The following PERM1 variants were observed in gnomAD, a reference collection of about 807,000 sequenced individuals.
The protein encoded by PERM1 is PGC-1 and ERR-induced regulator in muscle protein 1.
Under a neutral mutation model 44.1 loss-of-function variants are expected in PERM1, and 45 were observed. That is an observed-to-expected ratio of 1.02 (90% confidence interval 0.80 to 1.31). PERM1 has a LOEUF of 1.31. Ranked by LOEUF, PERM1 falls within the 50% of genes most tolerant of loss-of-function variation. PERM1 has a pLI of 0.00. For synonymous variants in PERM1, 565 were observed against 477.1 expected (o/e 1.18, Z -2.40); for missense variants, 1,189 against 1,106.9 (o/e 1.07, Z -1.05).
chr1:979,871 A>T lies in PERM1; in HGVS notation c.1159T>A (p.Ser387Thr), dbSNP rs556569834. 67 of 1,549,204 alleles carry T rather than the reference A, an allele frequency of 4.3e-5. 1 individual carries two copies. The African/African-American group carries it at 4.9e-4, about 11-fold the overall frequency. Reference sequence around the variant, plus strand: ...AATTGTGGCTTGGAGATGGGTGTAGACAGAGCCACACTGGACTGAGGCTCA... The same window carrying T: ...AATTGTGGCTTGGAGATGGGTGTAGTCAGAGCCACACTGGACTGAGGCTCA... Residue 387 changes from serine (S) to threonine (T), a missense_variant, in exon 1 of 3, where the codon TCT (serine) becomes ACT (threonine). This residue lies in a region of PERM1 where 900 missense variants were observed against 760.4 expected (regional missense o/e 1.18). Transcript: ENST00000433179.
chr1:981,974 G>T (rs896598604), upstream of PERM1: 2 of 1,115,932 alleles, frequency 1.8e-6, no homozygotes, highest in African/African-American at 1.6e-5. Context: ...ACTGACCTTC[G>T]CCCTCCTCTC....
chr1:976,183 G>A (rs1643595148), exon 3 of PERM1: 2 of 1,546,042 alleles, frequency 1.3e-6, no homozygotes, highest in Admixed American at 2.0e-5. Flanking sequence ...TAGGAGCTGG[G>A]GCTGGGGCTG....
At chr1:979,117 G>A (rs763189910) in exon 1 of PERM1, 130 of 1,549,946 alleles carry the variant, frequency 8.4e-5, no homozygotes, top group Non-Finnish European at 9.9e-5. Context: ...ATCAGCTCTC[G>A]GGAGCGGCTC....
chr1:976,503 T>C (rs1181943256), exon 2 of PERM1: 2 of 1,549,476 alleles, frequency 1.3e-6, no homozygotes, highest in Non-Finnish European at 1.7e-6. Flanking sequence ...CCAAACCTGT[T>C]TTCCAGGCGT....
Position 980,234 on chromosome 1 carries a change from T to A in PERM1, c.796A>T (p.Thr266Ser), listed in dbSNP as rs186435690. ...CGGCGCGGGGTTCTGATTTGGTCTGTGCCTTGCTCTGTCACAGGGACAGGT... is the reference window on the plus strand; with the variant it reads ...CGGCGCGGGGTTCTGATTTGGTCTGAGCCTTGCTCTGTCACAGGGACAGGT... Residue 266 changes from threonine to serine, a missense_variant, in exon 1 of 3, where the codon ACA (threonine) becomes TCA (serine). Thr to Ser is a moderately conservative substitution (Grantham distance 58). Around this residue, in one of 3 missense-constraint regions of PERM1, gnomAD observed 900 missense variants for 760.4 expected, o/e 1.18. Transcript: ENST00000433179. The A allele has an allele frequency of 1.9e-3, 2,897 of 1,550,422 alleles. 6 individuals carry two copies. Among genetic ancestry groups the A allele is most frequent in the Middle Eastern group, 3.2e-3 (19 of 5,992 alleles).
rs558884095 is a variant in PERM1 at position 979,338 on chromosome 1, G to C, written c.1692C>G (p.Pro564=). 4.7e-4 allele frequency: 719 copies of C among 1,523,314 alleles called. 2 individuals carry two copies. In the African/African-American group the frequency reaches 8.8e-3, roughly 19 times the overall value. The allele number at this position is 1,523,314 out of a possible 1,614,324, so 94.4% of individuals were successfully genotyped here. ...CGGGCCCGACCCTCGTCACGGCAGA[G>C]GGAGGGGGGCGAGGCAGGTGCTTGA... Residue 564 remains proline (P), a synonymous_variant, in exon 1 of 3, where the codon CCC becomes CCG. Coordinates refer to ENST00000433179, the Ensembl canonical transcript of PERM1.
chr1:980,325 A>G, exon 1 of PERM1: 2 of 1,550,192 alleles, frequency 1.3e-6, no homozygotes, highest in Non-Finnish European at 1.7e-6. Context: ...CAGGCTCAGG[A>G]GCTCCTGCAG....
At position 979,104 on chromosome 1, in the gene PERM1, A is replaced by G. The variant is rs1406534249; in HGVS notation, c.1926T>C (p.Pro642=). The change falls in exon 1 of 3, where the codon CCT becomes CCC. Residue 642 remains proline (P), a synonymous_variant. Coordinates refer to ENST00000433179, the Ensembl canonical transcript of PERM1. ...GGTCTCCAGGTATGGGGGCCGGCAC[A>G]GGATCAGCTCTCGGGAGCGGCTCCG... The G allele has an allele frequency of 1.9e-6, 3 of 1,549,668 alleles. No homozygotes were observed. In the Admixed American group the frequency reaches 5.9e-5, roughly 30 times the overall value.
chr1:980,391 A>T, exon 1 of PERM1: 2 of 1,549,990 alleles, frequency 1.3e-6, no homozygotes, highest in Non-Finnish European at 8.7e-7. Flanking sequence ...CCGTCTCAGG[A>T]CTGGCCGCAG....
In PERM1 at chr1:979,973, GCGGC is replaced by G; in HGVS notation, c.1053_1056del (p.Glu351AspfsTer72). The G allele has an allele frequency of 6.5e-7, 1 of 1,549,040 alleles. No homozygotes were observed. Among genetic ancestry groups the G allele is most frequent in the East Asian group, 2.5e-5 (1 of 40,528 alleles). ...GACACAGCCATGTCCCTGTCAGGTTGCGGCTCAGAGGCAGGTGTAGACACAGCCA... is the reference window on the plus strand; with the variant it reads ...GACACAGCCATGTCCCTGTCAGGTTGTCAGAGGCAGGTGTAGACACAGCCA... On this transcript the variant is annotated frameshift_variant, in exon 1 of 3. Transcript: ENST00000433179. LOFTEE classifies it high-confidence loss of function.
At chr1:976,519 G>C (rs1407857013) in exon 2 of PERM1, 5 of 1,549,564 alleles carry the variant, frequency 3.2e-6, no homozygotes, top group Non-Finnish European at 8.7e-7. Flanking sequence ...GGCGTCTGGG[G>C]TATGCGGATC....
rs778755431 is a variant in PERM1 at position 979,351 on chromosome 1, G to A, written c.1679C>T (p.Pro560Leu). The A allele has an allele frequency of 8.8e-5, 134 of 1,515,824 alleles. No individual in the cohort carries two copies. The African/African-American group carries it at 1.7e-3, about 19-fold the overall frequency. 93.9% of individuals were successfully genotyped at this position (1,515,824 alleles called of 1,614,324 possible). ...CGTCACGGCAGAGGGAGGGGGGCGAGGCAGGTGCTTGAGGATCCGAGGCTG... is the reference window on the plus strand; with the variant it reads ...CGTCACGGCAGAGGGAGGGGGGCGAAGCAGGTGCTTGAGGATCCGAGGCTG... The change falls in exon 1 of 3, where the codon CCT becomes CTT. Residue 560 changes from proline (P) to leucine (L), a missense_variant. Transcript: ENST00000433179.
Position 980,190 on chromosome 1 carries a change from C to T in PERM1, c.840G>A (p.Val280=), listed in dbSNP as rs781747747. The T allele has an allele frequency of 8.4e-6, 13 of 1,550,318 alleles. No individual in the cohort carries two copies. In the South Asian group the frequency reaches 1.1e-4, roughly 13 times the overall value. The stretch of plus-strand genomic sequence containing the variant: ...GGAGGGCTTCCCAGACAGTCGTGGA[C>T]ACTGTGTGCAGCTTGGCTCGGCGCG... The change falls in exon 1 of 3, where the codon GTG becomes GTA. Residue 280 remains valine, a synonymous_variant. Coordinates refer to ENST00000433179, the Ensembl canonical transcript of PERM1.
rs1482252129 is a variant in PERM1 at position 979,990 on chromosome 1, G to A, written c.1040C>T (p.Thr347Ile). The A allele has an allele frequency of 3.2e-6, 5 of 1,548,964 alleles. No individual in the cohort carries two copies. The South Asian group carries it at 6.0e-5, about 18-fold the overall frequency. Reference sequence around the variant, plus strand: ...GTCAGGTTGCGGCTCAGAGGCAGGTGTAGACACAGCCATGTCCGTGTCAGG... The same window carrying A: ...GTCAGGTTGCGGCTCAGAGGCAGGTATAGACACAGCCATGTCCGTGTCAGG... The change falls in exon 1 of 3, where the codon ACA becomes ATA. Residue 347 changes from threonine to isoleucine, a missense_variant. By Grantham distance (89) the Thr-to-Ile change is moderately conservative. Coordinates refer to ENST00000433179, the Ensembl canonical transcript of PERM1.
chr1:981,592 C>T (rs1199969838), upstream of PERM1, among the ~76,000 whole-genome samples: 2 of 152,254 alleles, frequency 1.3e-5, no homozygotes, highest in Admixed American at 6.5e-5. Flanking sequence ...GCCCAGCCCT[C>T]GGCGATGACC....
chr1:980,938 C>T, exon 1 of PERM1: 1 of 1,432,284 alleles, frequency 7.0e-7, no homozygotes. Context: ...AGAGGCCAGG[C>T]CGGCCTGCAG....
At chr1:982,076 C>T (rs370496376), upstream of PERM1, 8 of 1,288,040 alleles carry the variant, frequency 6.2e-6, no homozygotes, top group African/African-American at 3.0e-5. Flanking sequence ...TGGGTCCCGG[C>T]GGCCGAGCTG....
exon 1 of PERM1, chr1:980,279 G>A (rs981235789): frequency 4.5e-6 from 7 of 1,550,252 alleles, no homozygotes; most frequent in Non-Finnish European, 6.1e-6. Flanking sequence ...CCCAAACCTG[G>A]CCCTGGTCTG....
In PERM1 at chr1:980,686, AG is replaced by A; in HGVS notation, c.343del (p.Leu115SerfsTer105). The stretch of plus-strand genomic sequence containing the variant: ...GCTGGGAGGGCTGGCGCCGGGGCCG[AG>A]GGACGGTGGAGCTTCTGCCCGTGCG... On this transcript the variant is annotated frameshift_variant, in exon 1 of 3. Transcript: ENST00000433179. LOFTEE classifies it high-confidence loss of function. 1 of 1,425,518 alleles carries A rather than the reference AG, an allele frequency of 7.0e-7. No individual in the cohort carries two copies. Among genetic ancestry groups the A allele is most frequent in the Non-Finnish European group, 9.1e-7 (1 of 1,094,810 alleles). The allele number at this position is 1,425,518 out of a possible 1,614,324, so 88.3% of individuals were successfully genotyped here.
Sources: allele counts gnomAD v4.1 joint callset (sites outside exome capture counted in the v4.1 genomes callset), GRCh38; gene constraint gnomAD v4.1.1; regional missense constraint gnomAD v4.1.1; transcripts MANE v1.5; gene names NCBI Gene and HGNC (gene_info 2026-07-23, HGNC 2026-07-21).